Variants in CNTN6 observed in about 807,000 individuals in gnomAD.
CNTN6 encodes the protein contactin-6.
Under a neutral mutation model 122.8 loss-of-function variants are expected in CNTN6, and 137 were observed. The observed-to-expected ratio is 1.12, with a 90% CI of 0.97 to 1.29. The LOEUF is 1.29. Among genes scored for constraint, CNTN6 ranks in the 50% most tolerant of loss-of-function variants. The pLI, the probability that CNTN6 is intolerant of heterozygous loss-of-function variation, is 0.00. For missense variants in CNTN6, 1,634 were observed against 1,223.4 expected, an observed-to-expected ratio of 1.34 and a Z score of -5.01; for synonymous variants, 570 against 426.0, an observed-to-expected ratio of 1.34 and a Z score of -4.16.
rs1482554596 is a variant in CNTN6, at chr3:1,372,947, T to C, written c.1778T>C (p.Ile593Thr). The change falls in exon 14 of 23, where the codon ATT becomes ACT. Residue 593 changes from isoleucine (I) to threonine (T), a missense_variant. Physicochemically the swap from Ile to Thr is moderately conservative, Grantham distance 89. Coordinates refer to ENST00000446702, the MANE Select transcript of CNTN6 (RefSeq NM_001289080.2). ...AGTTTATCTGCAGTAGCCGATATCA[T>C]TGTTAGAGGTAAGCATAAATGGTGA... ...LESLSAVADIIVRGPPGPPED... is the reference protein window; with the variant it reads ...LESLSAVADITVRGPPGPPED... 3.9e-6 allele frequency: 6 copies of C among 1,547,782 alleles called. No homozygotes were observed. The highest frequency in any genetic ancestry group is 4.4e-6 in the Non-Finnish European group (5 of 1,124,982).
At chr3:1,102,817 T>A (rs1333635353) in intron 1 of CNTN6, among the ~76,000 whole-genome samples, 1 of 145,950 alleles carries the variant, frequency 6.9e-6, no homozygotes. Flanking sequence ...TATACAAAAT[T>A]AATGTCCAGG....
chr3:1,098,674 G>A (rs977720947), intron 1 of CNTN6, among the ~76,000 whole-genome samples: 1 of 149,834 alleles, frequency 6.7e-6, no homozygotes, highest in Non-Finnish European at 1.5e-5. Flanking sequence ...TTTTTTTAAA[G>A]ATGGGCAGTT....
chr3:1,179,015 A>G (rs2093505175), intron 2 of CNTN6, among the ~76,000 whole-genome samples: 1 of 152,184 alleles, frequency 6.6e-6, no homozygotes, highest in Admixed American at 6.5e-5. Flanking sequence ...CAGGCTGTAC[A>G]AGAAGCACGG....
intron 5 of CNTN6, among the ~76,000 whole-genome samples, chr3:1,294,637 C>A (rs1695896577): frequency 1.3e-5 from 2 of 152,128 alleles, no homozygotes; most frequent in Non-Finnish European, 2.9e-5. Context: ...TCAGTAAAAA[C>A]AATGTGTGCC....
In CNTN6 at chr3:1,402,306, C is replaced by T. The variant is rs1260722236; in HGVS notation, c.2818-12C>T. 1 of 1,598,482 alleles carries T rather than the reference C, an allele frequency of 6.3e-7. No individual in the cohort carries two copies. Among genetic ancestry groups the T allele is most frequent in the African/African-American group, 1.3e-5 (1 of 74,424 alleles). ...ACATGTCCATGTTAACTTGATACCT[C>T]ATTTTATTCAGATTCTGTACCGGCA... On this transcript the variant is annotated splice_polypyrimidine_tract_variant and intron_variant, in intron 21 of 22. Coordinates refer to ENST00000446702, the MANE Select transcript of CNTN6 (RefSeq NM_001289080.2).
intron 7 of CNTN6, among the ~76,000 whole-genome samples, chr3:1,303,230 A>G (rs925354195): frequency 5.2e-4 from 78 of 151,450 alleles, no homozygotes; most frequent in African/African-American, 1.7e-3. Flanking sequence ...TAACTGTTCA[A>G]TTTTAAATCC....
intron 4 of CNTN6, among the ~76,000 whole-genome samples, chr3:1,263,283 A>G (rs949350366): frequency 1.3e-5 from 2 of 152,048 alleles, no homozygotes; most frequent in East Asian, 1.9e-4. Context: ...AAGCCCAAAC[A>G]TTTTCCTTCA....
intron 4 of CNTN6, among the ~76,000 whole-genome samples, chr3:1,245,600 A>G (rs1453549201): frequency 6.6e-6 from 1 of 151,054 alleles, no homozygotes; most frequent in Non-Finnish European, 1.5e-5. Flanking sequence ...GGCTCAGGTG[A>G]CGGGTACGCC....
chr3:1,140,890 C>A (rs1468425048), intron 1 of CNTN6, among the ~76,000 whole-genome samples: 1 of 152,118 alleles, frequency 6.6e-6, no homozygotes, highest in Non-Finnish European at 1.5e-5. Context: ...ATTATGGCTG[C>A]CTATTTTGAG....
At chr3:1,400,906 G>C (rs1695604603) in intron 20 of CNTN6, among the ~76,000 whole-genome samples, 1 of 152,032 alleles carries the variant, frequency 6.6e-6, no homozygotes, top group Non-Finnish European at 1.5e-5. Context: ...GCTGCAATCT[G>C]CCATGACTTA....
intron 20 of CNTN6, among the ~76,000 whole-genome samples, chr3:1,398,601 G>C (rs1331948054): frequency 6.6e-6 from 1 of 152,100 alleles, no homozygotes; most frequent in Non-Finnish European, 1.5e-5. Context: ...GTGGAGAACT[G>C]CTACTCTTGG....
chr3:1,323,805 T>C (rs1701181630), intron 8 of CNTN6, among the ~76,000 whole-genome samples: 1 of 151,736 alleles, frequency 6.6e-6, no homozygotes, highest in African/African-American at 2.4e-5. Context: ...CTAAGCCTCT[T>C]CTCCCATGAA....
At chr3:1,129,204 T>C (rs979060887) in intron 1 of CNTN6, among the ~76,000 whole-genome samples, 2 of 152,034 alleles carry the variant, frequency 1.3e-5, no homozygotes, top group Admixed American at 1.3e-4. Flanking sequence ...TTAGAGAACA[T>C]CTATATGACA....
At chr3:1,384,728 CACATATATATACAT>C (rs1692520935) in intron 19 of CNTN6, among the ~76,000 whole-genome samples, 1 of 130,048 alleles carries the variant, frequency 7.7e-6, no homozygotes, top group South Asian at 2.3e-4. Context: ...TATATATACA[CACATATATATACAT>C]ATATACACAT....
intron 12 of CNTN6, among the ~76,000 whole-genome samples, chr3:1,355,218 T>C (rs760816344): frequency 6.6e-6 from 1 of 151,642 alleles, no homozygotes; most frequent in Non-Finnish European, 1.5e-5. Flanking sequence ...TATAAACATG[T>C]ACATACTTAA....
chr3:1,330,457 T>A (rs1702132867), intron 11 of CNTN6, among the ~76,000 whole-genome samples: 1 of 151,832 alleles, frequency 6.6e-6, no homozygotes, highest in Non-Finnish European at 1.5e-5. Flanking sequence ...TGGCATGTTT[T>A]CTAGGAGACT....
At chr3:1,282,390 T>C (rs1460027359) in intron 5 of CNTN6, among the ~76,000 whole-genome samples, 4 of 152,174 alleles carry the variant, frequency 2.6e-5, no homozygotes, top group African/African-American at 7.2e-5. Flanking sequence ...TAAGCAATAA[T>C]GCCAGGACAC....
At chr3:1,133,033 A>C (rs1036517548) in intron 1 of CNTN6, among the ~76,000 whole-genome samples, 1 of 152,174 alleles carries the variant, frequency 6.6e-6, no homozygotes, top group Non-Finnish European at 1.5e-5. Flanking sequence ...AATATAAGTT[A>C]GTGCATCATG....
intron 5 of CNTN6, among the ~76,000 whole-genome samples, chr3:1,292,714 G>A (rs1187971985): frequency 6.6e-6 from 1 of 152,098 alleles, no homozygotes; most frequent in Non-Finnish European, 1.5e-5. Context: ...TAGCCTTTCT[G>A]ACACTCTTCT....
Sources: allele counts gnomAD v4.1 joint callset (sites outside exome capture counted in the v4.1 genomes callset), GRCh38; gene constraint gnomAD v4.1.1; transcripts MANE v1.5; gene names NCBI Gene and HGNC (gene_info 2026-07-23, HGNC 2026-07-21).